Variants in ADGRL3 observed in about 807,000 individuals in gnomAD.
ADGRL3 encodes the protein adhesion G protein-coupled receptor L3.
A neutral mutation model predicts 153.5 loss-of-function variants in ADGRL3; 62 were observed. The observed-to-expected ratio is 0.40, with a 90% confidence interval of 0.33 to 0.50. The LOEUF (loss-of-function observed/expected upper bound fraction) is 0.50. Ranked by LOEUF, ADGRL3 falls within the 20% of genes least tolerant of loss-of-function variation. The pLI, the probability that ADGRL3 is intolerant of heterozygous loss-of-function variation, is 0.47. For synonymous variants in ADGRL3, 710 were observed against 672.5 expected (o/e 1.06, Z -0.86); for missense variants, 1,641 against 1,859.4 (o/e 0.88, Z 2.16).
At chr4:61,814,870 C>T (rs1457809650) in intron 9 of ADGRL3, among the ~76,000 whole-genome samples, 1 of 152,046 alleles carries the variant, frequency 6.6e-6, no homozygotes, top group Non-Finnish European at 1.5e-5. Context: ...CTGTGCTTGC[C>T]TCAGTTATTA....
chr4:61,629,610 G>A (rs973041902), intron 5 of ADGRL3, among the ~76,000 whole-genome samples: 3 of 150,276 alleles, frequency 2.0e-5, no homozygotes, highest in Non-Finnish European at 4.4e-5. Flanking sequence ...CCAGCTACTC[G>A]GGAGGCTGAG....
At chr4:61,980,340 C>G (rs1485754466) in intron 18 of ADGRL3, among the ~76,000 whole-genome samples, 1 of 93,222 alleles carries the variant, frequency 1.1e-5, no homozygotes, top group East Asian at 2.7e-4. Flanking sequence ...TTTACTATCT[C>G]CATGGTTTTG....
intron 5 of ADGRL3, among the ~76,000 whole-genome samples, chr4:61,613,087 T>G (rs1560935557): frequency 6.6e-6 from 1 of 152,126 alleles, no homozygotes; most frequent in Non-Finnish European, 1.5e-5. Context: ...GAAAATTAAG[T>G]AATCATATCT....
intron 4 of ADGRL3, among the ~76,000 whole-genome samples, chr4:61,545,168 G>A (rs572359806): frequency 6.6e-6 from 1 of 152,162 alleles, no homozygotes; most frequent in South Asian, 2.1e-4. Context: ...TTAAACGGAA[G>A]TCAGCATATC....
intron 2 of ADGRL3, among the ~76,000 whole-genome samples, chr4:61,488,005 C>CA (rs2098216229): frequency 6.6e-6 from 1 of 151,954 alleles, no homozygotes; most frequent in African/African-American, 2.4e-5. Context: ...GTTCTCCAAT[C>CA]AAATGCTTTG....
chr4:61,216,577 A>G (rs6810963), intron 1 of ADGRL3, among the ~76,000 whole-genome samples: 92,343 of 151,826 alleles, frequency 0.61, 28,664 homozygotes, highest in Middle Eastern at 0.68. Flanking sequence ...TTTATTATAA[A>G]GTTCAACATT....
intron 1 of ADGRL3, among the ~76,000 whole-genome samples, chr4:61,336,471 G>A (rs932268376): frequency 1.3e-5 from 2 of 151,456 alleles, no homozygotes; most frequent in Non-Finnish European, 3.0e-5. Context: ...TTTCTGAGGA[G>A]TAACGTACTT....
intron 2 of ADGRL3, among the ~76,000 whole-genome samples, chr4:61,391,317 ACT>A (rs1175622630): frequency 1.3e-5 from 2 of 151,834 alleles, no homozygotes; most frequent in African/African-American, 2.4e-5. Flanking sequence ...GTGGTGCCAC[ACT>A]CTTTTAAAAA....
chr4:61,801,544 A>G (rs2097497581), intron 8 of ADGRL3, among the ~76,000 whole-genome samples: 1 of 152,038 alleles, frequency 6.6e-6, no homozygotes, highest in South Asian at 2.1e-4. Flanking sequence ...CTTCTTTGAA[A>G]CCATAGTTTC....
intron 5 of ADGRL3, among the ~76,000 whole-genome samples, chr4:61,652,183 T>G (rs2150400016): frequency 6.6e-6 from 1 of 152,128 alleles, no homozygotes; most frequent in South Asian, 2.1e-4. Context: ...TGTAGATAAC[T>G]TCATCAGAAT....
At chr4:62,007,290 G>A (rs1461402397) in intron 21 of ADGRL3, among the ~76,000 whole-genome samples, 1 of 144,428 alleles carries the variant, frequency 6.9e-6, no homozygotes, top group Non-Finnish European at 1.5e-5. Flanking sequence ...CAAAGGTCTG[G>A]CAAAGGGGCT....
chr4:61,825,435 C>G (rs2097791697), intron 9 of ADGRL3, among the ~76,000 whole-genome samples: 1 of 152,144 alleles, frequency 6.6e-6, no homozygotes, highest in Non-Finnish European at 1.5e-5. Flanking sequence ...CTTAGTATAT[C>G]TCACATATAG....
At chr4:61,810,435 G>T (rs976835605) in intron 8 of ADGRL3, among the ~76,000 whole-genome samples, 1 of 152,084 alleles carries the variant, frequency 6.6e-6, no homozygotes, top group Non-Finnish European at 1.5e-5. Context: ...GTCTTTCTCC[G>T]TCCTAGTTCC....
intron 9 of ADGRL3, among the ~76,000 whole-genome samples, chr4:61,838,059 GAGAA>G (rs1354505861): frequency 6.6e-6 from 1 of 151,964 alleles, no homozygotes; most frequent in Non-Finnish European, 1.5e-5. Context: ...AAAAAAGAAA[GAGAA>G]AGAAAATAAA....
At position 61,269,185 on chromosome 4, in the gene ADGRL3, A is replaced by G. The variant is rs59092420; in HGVS notation, c.-240+67420A>G. Among the ~76,000 whole-genome samples, 283 of 151,778 alleles carry G rather than the reference A, an allele frequency of 1.9e-3. 1 individual carries two copies. The highest frequency in any genetic ancestry group is 6.6e-3 in the African/African-American group (274 of 41,536). On this transcript the variant is annotated intron_variant, in intron 1 of 26. Coordinates refer to ENST00000683033, the MANE Select transcript of ADGRL3 (RefSeq NM_001387552.1). Reference sequence around the variant, plus strand: ...GGCTGGCAGGTGCAGTGTCTGCTGTATGACCAGTTTTAATTAGAACATCAA... The same window carrying G: ...GGCTGGCAGGTGCAGTGTCTGCTGTGTGACCAGTTTTAATTAGAACATCAA...
At chr4:61,229,722 A>T (rs1749721050) in intron 1 of ADGRL3, among the ~76,000 whole-genome samples, 1 of 151,234 alleles carries the variant, frequency 6.6e-6, no homozygotes, top group Non-Finnish European at 1.5e-5. Context: ...TGGGCAACAC[A>T]GCAAGATCCT....
chr4:61,723,164 C>A (rs1306519048), intron 6 of ADGRL3, among the ~76,000 whole-genome samples: 1 of 152,108 alleles, frequency 6.6e-6, no homozygotes, highest in African/African-American at 2.4e-5. Context: ...AAAGTCTTTA[C>A]ACAGATTTCT....
At chr4:61,277,391 A>G (rs982685189) in intron 1 of ADGRL3, among the ~76,000 whole-genome samples, 1 of 152,148 alleles carries the variant, frequency 6.6e-6, no homozygotes, top group Non-Finnish European at 1.5e-5. Flanking sequence ...ATACGGCATG[A>G]CCCAGGTAGA....
intron 2 of ADGRL3, among the ~76,000 whole-genome samples, chr4:61,494,834 T>C (rs2098296089): frequency 1.3e-5 from 2 of 152,202 alleles, no homozygotes; most frequent in African/African-American, 2.4e-5. Flanking sequence ...AGCCTATGTA[T>C]ACAATAGTAA....
Sources: gnomAD v4.1 joint callset for allele counts (sites outside exome capture counted in the v4.1 genomes callset) on GRCh38, gnomAD v4.1.1 for gene constraint, MANE v1.5 for transcripts, NCBI Gene and HGNC (gene_info 2026-07-23, HGNC 2026-07-21) for gene names.